Variants in AP4S1 observed in about 807,000 individuals in gnomAD.
AP4S1 encodes AP-4 complex subunit sigma-1.
Under a neutral mutation model 19.8 loss-of-function variants are expected in AP4S1, and 23 were observed. That is an observed-to-expected ratio of 1.16 (90% CI 0.84 to 1.65). The LOEUF is 1.65. Ranked by LOEUF, AP4S1 falls within the 40% of genes most tolerant of loss-of-function variation. The pLI, the probability that AP4S1 is intolerant of heterozygous loss-of-function variation, is 0.00. For synonymous variants in AP4S1, 46 were observed against 54.1 expected (o/e 0.85, Z 0.66); for missense variants, 166 against 172.8 (o/e 0.96, Z 0.22).
intron 1 of AP4S1, among the ~76,000 whole-genome samples, chr14:31,034,395 T>C (rs997466256): frequency 2.6e-5 from 4 of 152,168 alleles, no homozygotes; most frequent in African/African-American, 9.7e-5. Flanking sequence ...TTCTTTTGTT[T>C]TATAGTTTTT....
intron 4 of AP4S1, among the ~76,000 whole-genome samples, chr14:31,077,605 G>A (rs908223980): frequency 6.6e-6 from 1 of 152,144 alleles, no homozygotes; most frequent in African/African-American, 2.4e-5. Context: ...GTAGGTCAAG[G>A]CCCAGAAATC....
At chr14:31,034,596 A>AGTT (rs1444599619) in intron 1 of AP4S1, among the ~76,000 whole-genome samples, 1 of 145,378 alleles carries the variant, frequency 6.9e-6, no homozygotes, top group Non-Finnish European at 1.5e-5. Context: ...TGTGCCTAGA[A>AGTT]GTTTTGTACT....
intron 1 of AP4S1, among the ~76,000 whole-genome samples, chr14:31,032,319 G>C (rs1884445288): frequency 6.6e-6 from 1 of 152,056 alleles, no homozygotes; most frequent in Admixed American, 6.6e-5. Flanking sequence ...TTCTATTTTG[G>C]ACCAGAGAGG....
At chr14:31,087,729 TGTCACCATG>T (rs1321208944) in intron 5 of AP4S1, among the ~76,000 whole-genome samples, 5 of 152,168 alleles carry the variant, frequency 3.3e-5, no homozygotes, top group Non-Finnish European at 5.9e-5. Context: ...AAAACATGCC[TGTCACCATG>T]GTGCCTTGGT....
intron 1 of AP4S1, among the ~76,000 whole-genome samples, chr14:31,031,350 G>A (rs1438552655): frequency 6.6e-6 from 1 of 152,122 alleles, no homozygotes; most frequent in Non-Finnish European, 1.5e-5. Context: ...TTGCAGCCTT[G>A]TAGAAGGGAA....
intron 1 of AP4S1, among the ~76,000 whole-genome samples, chr14:31,049,650 T>G (rs1049918852): frequency 1.3e-5 from 2 of 151,452 alleles, no homozygotes; most frequent in African/African-American, 4.8e-5. Context: ...TTTTTAAAAT[T>G]TTTATTTATT....
intron 1 of AP4S1, among the ~76,000 whole-genome samples, chr14:31,049,428 A>AAAAAAAAATAT (rs1384450221): frequency 3.8e-4 from 22 of 57,762 alleles, no homozygotes; most frequent in Admixed American, 5.5e-4. Context: ...AAAAAAAAAA[A>AAAAAAAAATAT]ATATATATAT....
chr14:31,072,021 A>G (rs1467042572), intron 3 of AP4S1, among the ~76,000 whole-genome samples: 3 of 151,374 alleles, frequency 2.0e-5, no homozygotes, highest in African/African-American at 7.3e-5. Context: ...TCCCAGGTTC[A>G]AGTGATCCTC....
intron 1 of AP4S1, among the ~76,000 whole-genome samples, chr14:31,064,338 T>C: frequency 6.6e-6 from 1 of 152,018 alleles, no homozygotes; most frequent in Non-Finnish European, 1.5e-5. Flanking sequence ...CACCTCCACC[T>C]CCCGGGCTCA....
chr14:31,038,517 A>T (rs1035059679), intron 1 of AP4S1, among the ~76,000 whole-genome samples: 1 of 152,172 alleles, frequency 6.6e-6, no homozygotes, highest in African/African-American at 2.4e-5. Context: ...AAACGAGCGA[A>T]TGGGGAGTGA....
rs1378614008 is a variant in AP4S1 at position 31,065,151 on chromosome 14, C to T, written c.-71-975C>T. ...TGCCCATAAAATAAAGCCCAAATTC[C>T]TTAGCATGACTTCTAAAGCCAATTA... On this transcript the variant is annotated intron_variant, in intron 1 of 5. Transcript: ENST00000542754. Among the ~76,000 whole-genome samples the T allele has an allele frequency of 2.6e-5, 4 of 152,278 alleles. No homozygotes were observed. In the East Asian group the frequency reaches 7.7e-4, roughly 29 times the overall value.
intron 1 of AP4S1, chr14:31,026,078 T>A: frequency 2.6e-6 from 4 of 1,530,366 alleles, no homozygotes; most frequent in Middle Eastern, 2.0e-4. Context: ...CGCCCGCCGC[T>A]CCGTTCCCCC....
intron 5 of AP4S1, chr14:31,083,437 G>T (rs1448782485): frequency 4.5e-6 from 2 of 449,322 alleles, no homozygotes. Flanking sequence ...ACTTCCAGTG[G>T]TCTAAAAGTA....
chr14:31,035,628 G>A lies in AP4S1; in HGVS notation c.-72+9841G>A, dbSNP rs560519731. On this transcript the variant is annotated intron_variant, in intron 1 of 5. Transcript: ENST00000542754. ...TCCATACATTTCATTTGGTTGTTAC[G>A]TTTTTAGGTCTTTTTTTTTTTTTTT... Among the ~76,000 whole-genome samples the A allele has an allele frequency of 2.9e-4, 41 of 141,248 alleles. 1 individual carries two copies. The highest frequency in any genetic ancestry group is 7.6e-4 in the African/African-American group (28 of 36,958). 92.7% of individuals were successfully genotyped at this position (141,248 alleles called of 152,430 possible).
chr14:31,040,660 T>C (rs777435548), intron 1 of AP4S1, among the ~76,000 whole-genome samples: 1 of 152,162 alleles, frequency 6.6e-6, no homozygotes, highest in Non-Finnish European at 1.5e-5. Context: ...ATTGTATTTA[T>C]TAATTTTCGA....
chr14:31,075,657 A>G (rs1414501725), intron 4 of AP4S1, among the ~76,000 whole-genome samples: 5 of 152,126 alleles, frequency 3.3e-5, no homozygotes, highest in Admixed American at 3.3e-4. Flanking sequence ...AGTGTTTTCA[A>G]GATCCATCCA....
intron 1 of AP4S1, among the ~76,000 whole-genome samples, chr14:31,033,162 A>G (rs978428097): frequency 6.6e-6 from 1 of 152,234 alleles, no homozygotes; most frequent in East Asian, 1.9e-4. Context: ...CATGTTTGAA[A>G]TTATTTTTAG....
chr14:31,092,580 T>G (rs1415442209), intron 5 of AP4S1, among the ~76,000 whole-genome samples: 1 of 152,208 alleles, frequency 6.6e-6, no homozygotes, highest in East Asian at 1.9e-4. Flanking sequence ...AACACTATTT[T>G]TGAGTTAAGG....
At chr14:31,034,807 A>G (rs984155328) in intron 1 of AP4S1, among the ~76,000 whole-genome samples, 1 of 145,732 alleles carries the variant, frequency 6.9e-6, no homozygotes, top group Admixed American at 6.9e-5. Flanking sequence ...TTGTATTTTT[A>G]GTAGAGACAG....
Sources: gnomAD v4.1 joint callset for allele counts (sites outside exome capture counted in the v4.1 genomes callset) on GRCh38, gnomAD v4.1.1 for gene constraint, MANE v1.5 for transcripts, NCBI Gene and HGNC (gene_info 2026-07-23, HGNC 2026-07-21) for gene names.